Variants in NXPE2 observed in about 807,000 individuals in gnomAD.
NXPE2 encodes NXPE family member 2.
A neutral mutation model predicts 34.4 loss-of-function variants in NXPE2; 34 were observed. That is an observed-to-expected ratio of 0.99 (90% CI 0.75 to 1.31). NXPE2 has a LOEUF of 1.31. Among genes scored for constraint, NXPE2 ranks in the 40% most tolerant of loss-of-function variants. The pLI, the probability that NXPE2 is intolerant of heterozygous loss-of-function variation, is 0.00. For missense variants in NXPE2, 649 were observed against 672.5 expected (o/e 0.97, Z 0.39); for synonymous variants, 235 against 231.3 (o/e 1.02, Z -0.15).
the NXPE2 span, among the ~76,000 whole-genome samples, chr11:114,673,110 T>C: frequency 1.3e-5 from 2 of 148,632 alleles, no homozygotes; most frequent in Non-Finnish European, 3.0e-5. Context: ...TATAAAATAA[T>C]TGAAATCATG....
the NXPE2 span, among the ~76,000 whole-genome samples, chr11:114,649,385 G>A: frequency 6.6e-6 from 1 of 152,180 alleles, no homozygotes; most frequent in African/African-American, 2.4e-5. Flanking sequence ...TGAACACAAT[G>A]AAGTAATATT....
At chr11:114,676,027 T>C (rs1192395035), upstream of NXPE2, among the ~76,000 whole-genome samples, 1 of 151,970 alleles carries the variant, frequency 6.6e-6, no homozygotes, top group Non-Finnish European at 1.5e-5. Flanking sequence ...TAAATGGTGC[T>C]GACAGAACTG....
the NXPE2 span, among the ~76,000 whole-genome samples, chr11:114,648,275 C>T: frequency 1.3e-5 from 2 of 152,002 alleles, no homozygotes; most frequent in African/African-American, 4.8e-5. Context: ...ACCAGGAGAG[C>T]CAATGGTGTA....
the NXPE2 span, among the ~76,000 whole-genome samples, chr11:114,745,414 G>GA: frequency 6.6e-6 from 1 of 152,176 alleles, no homozygotes; most frequent in African/African-American, 2.4e-5. Flanking sequence ...TACAGGAACT[G>GA]AGAGTGAGAA....
At chr11:114,469,720 T>G in the NXPE2 span, among the ~76,000 whole-genome samples, 1 of 152,022 alleles carries the variant, frequency 6.6e-6, no homozygotes, top group Non-Finnish European at 1.5e-5. Flanking sequence ...CTCGAACTCC[T>G]GACCTCGTGA....
At chr11:114,629,552 A>C in the NXPE2 span, among the ~76,000 whole-genome samples, 3 of 151,876 alleles carry the variant, frequency 2.0e-5, no homozygotes, top group Admixed American at 2.0e-4. Flanking sequence ...TGACAAACCC[A>C]CAGCCAATAT....
chr11:114,568,462 G>A, the NXPE2 span, among the ~76,000 whole-genome samples: 1 of 151,968 alleles, frequency 6.6e-6, no homozygotes, highest in African/African-American at 2.4e-5. Flanking sequence ...TTGAGTTAAG[G>A]TACTGCTCCC....
At chr11:114,739,329 TTCCTTCCTTCCC>T in the NXPE2 span, among the ~76,000 whole-genome samples, 5,595 of 45,592 alleles carry the variant, frequency 0.12, 416 homozygotes, top group African/African-American at 0.16. Flanking sequence ...CCTTCCTTCC[TTCCTTCCTTCCC>T]CCCTTCCTCT....
chr11:114,578,122 A>T, the NXPE2 span, among the ~76,000 whole-genome samples: 1 of 152,178 alleles, frequency 6.6e-6, no homozygotes, highest in Non-Finnish European at 1.5e-5. Flanking sequence ...TCAGAGGAGG[A>T]TTATTGATGC....
the NXPE2 span, among the ~76,000 whole-genome samples, chr11:114,519,602 A>G: frequency 1.3e-5 from 2 of 152,234 alleles, no homozygotes; most frequent in Non-Finnish European, 2.9e-5. Flanking sequence ...AAATAATTCA[A>G]TCTGGTTTTA....
the NXPE2 span, among the ~76,000 whole-genome samples, chr11:114,601,620 T>TTATAATTATATATAA: frequency 0.049 from 66 of 1,334 alleles, no homozygotes; most frequent in Non-Finnish European, 0.067. Flanking sequence ...TAATTATATA[T>TTATAATTATATATAA]TATATATTAT....
chr11:114,512,519 C>T, the NXPE2 span, among the ~76,000 whole-genome samples: 33 of 152,100 alleles, frequency 2.2e-4, no homozygotes, highest in South Asian at 6.2e-3. Flanking sequence ...CTCTGGGGCT[C>T]GCGACAGTCG....
chr11:114,781,868 T>G, the NXPE2 span, among the ~76,000 whole-genome samples: 1 of 152,176 alleles, frequency 6.6e-6, no homozygotes, highest in Non-Finnish European at 1.5e-5. Context: ...CTGGTTCATC[T>G]GGAGTAGTCA....
downstream of NXPE2, among the ~76,000 whole-genome samples, chr11:114,708,283 C>G (rs1239478634): frequency 6.6e-6 from 1 of 152,100 alleles, no homozygotes; most frequent in Non-Finnish European, 1.5e-5. Context: ...GAGAAAACAA[C>G]TTAGTATTAT....
At chr11:114,667,548 A>C in the NXPE2 span, among the ~76,000 whole-genome samples, 10 of 152,276 alleles carry the variant, frequency 6.6e-5, no homozygotes, top group East Asian at 1.9e-3. Context: ...ATTTGGTGGA[A>C]GTCATGACAT....
the NXPE2 span, among the ~76,000 whole-genome samples, chr11:114,660,564 T>C: frequency 6.6e-6 from 1 of 152,038 alleles, no homozygotes; most frequent in East Asian, 1.9e-4. Flanking sequence ...AATTCAGCAT[T>C]CTTCATAATG....
chr11:114,614,084 ACCT>A, the NXPE2 span, among the ~76,000 whole-genome samples: 1 of 150,570 alleles, frequency 6.6e-6, no homozygotes, highest in South Asian at 2.1e-4. Flanking sequence ...AACCACTGAT[ACCT>A]GGTTTATAAT....
At chr11:114,615,715 A>G in the NXPE2 span, among the ~76,000 whole-genome samples, 1 of 151,594 alleles carries the variant, frequency 6.6e-6, no homozygotes. Context: ...CCATTGGATA[A>G]TAAGTATTGC....
At chr11:114,801,498 T>C in the NXPE2 span, among the ~76,000 whole-genome samples, 2 of 152,240 alleles carry the variant, frequency 1.3e-5, no homozygotes, top group African/African-American at 2.4e-5. Context: ...TTATTAATTA[T>C]TGTAAAAGCA....
Sources: gnomAD v4.1 joint callset for allele counts (sites outside exome capture counted in the v4.1 genomes callset) on GRCh38, gnomAD v4.1.1 for gene constraint, MANE v1.5 for transcripts, NCBI Gene and HGNC (gene_info 2026-07-23, HGNC 2026-07-21) for gene names.